Variants in SEMA6C observed in about 807,000 individuals in gnomAD.
SEMA6C encodes the protein semaphorin-6C.
SEMA6C carries 37 observed loss-of-function variants against 72.9 expected under a neutral mutation model. The ratio of observed to expected loss-of-function variants is 0.51; its 90% CI spans 0.39 to 0.67. The LOEUF is 0.67. Among genes scored for constraint, SEMA6C ranks in the 30% least tolerant of loss-of-function variants. SEMA6C has a pLI of 0.00. For missense variants in SEMA6C, 1,189 were observed against 1,263.6 expected (o/e 0.94, Z 0.89); for synonymous variants, 578 against 554.1 (o/e 1.04, Z -0.61).
At position 151,132,919 on chromosome 1, in the gene SEMA6C, G is replaced by A; in HGVS notation, c.2358C>T (p.Pro786=). The change falls in exon 19 of 19, where the codon CCC becomes CCT. Residue 786 remains proline, a synonymous_variant. Coordinates refer to ENST00000368914, the MANE Select transcript of SEMA6C (RefSeq NM_030913.6). ...GCGCCCGCGAGGTTAAAGGGGCGGG[G>A]GGCTCGGCCCCCTTTCTGGGCGGCT... is the stretch of plus-strand genomic sequence containing the variant. ...GPQPPRKGAE[P]PAPLTSRALP... 1 of 1,385,620 alleles carries A rather than the reference G, an allele frequency of 7.2e-7. No homozygotes were observed. Among genetic ancestry groups the A allele is most frequent in the Non-Finnish European group, 9.3e-7 (1 of 1,069,748 alleles). The allele number at this position is 1,385,620 out of a possible 1,614,324, so 85.8% of individuals were successfully genotyped here.
At position 151,136,581 on chromosome 1, in the gene SEMA6C, T is replaced by C; in HGVS notation, c.975-2A>G. The C allele has an allele frequency of 6.2e-7, 1 of 1,613,860 alleles. No individual in the cohort carries two copies. Among genetic ancestry groups the C allele is most frequent in the Non-Finnish European group, 8.5e-7 (1 of 1,179,914 alleles). On this transcript the variant is annotated splice_acceptor_variant, in intron 11 of 18. Transcript: ENST00000368914. LOFTEE classifies it high-confidence loss of function. ...GCGCAGACGGCAGAGCCAGGGATGCTGGAGGAGCCAGAAAAGATGCAGGAT... is the reference window on the plus strand; with the variant it reads ...GCGCAGACGGCAGAGCCAGGGATGCCGGAGGAGCCAGAAAAGATGCAGGAT...
Position 151,138,022 on chromosome 1 carries a change from G to C in SEMA6C, c.631C>G (p.Leu211Val), listed in dbSNP as rs144876600. The C allele has an allele frequency of 1.6e-5, 26 of 1,614,192 alleles. 3 individuals carry two copies. The Admixed American group carries it at 4.2e-4, about 26-fold the overall frequency. The change falls in exon 9 of 19, where the codon CTC becomes GTC. Residue 211 changes from leucine to valine, a missense_variant. Coordinates refer to ENST00000368914, the MANE Select transcript of SEMA6C (RefSeq NM_030913.6). ...VYRSLGPQPP[L>V]RSAKYDSKWL... Reference sequence around the variant, plus strand: ...TTGGAGTCATACTTGGCGGAGCGGAGTGGGGGCTGGGGCCCAAGGCTTCTG... The same window carrying C: ...TTGGAGTCATACTTGGCGGAGCGGACTGGGGGCTGGGGCCCAAGGCTTCTG...
Position 151,137,079 on chromosome 1 carries a change from G to T in SEMA6C, c.757-5C>A. On this transcript the variant is annotated splice_region_variant and splice_polypyrimidine_tract_variant and intron_variant, in intron 10 of 18. Transcript: ENST00000368914. ...GGCTACGCGGGAGAACTGCACCTAGGGGAGGAGAGTGGAGTAGACAATGGT... is the reference window on the plus strand; with the variant it reads ...GGCTACGCGGGAGAACTGCACCTAGTGGAGGAGAGTGGAGTAGACAATGGT... The T allele has an allele frequency of 6.2e-7, 1 of 1,612,494 alleles. No homozygotes were observed. The highest frequency in any genetic ancestry group is 1.1e-5 in the South Asian group (1 of 90,982).
At position 151,134,105 on chromosome 1, in the gene SEMA6C, CT is replaced by C. The variant is rs766695427; in HGVS notation, c.1759+295del. ...CCAGTGAGGCTCTTGATCTCTACCC[CT>C]GACACCCTTCCAGGGGTCCTTCCTC... On this transcript the variant is annotated intron_variant, in intron 18 of 18. Transcript: ENST00000368914. 33 of 1,325,960 alleles carry C rather than the reference CT, an allele frequency of 2.5e-5. No homozygotes were observed. In the South Asian group the frequency reaches 4.9e-4, roughly 19 times the overall value. 82.1% of individuals were successfully genotyped at this position (1,325,960 alleles called of 1,614,324 possible).
At chr1:151,141,954 T>TA (rs1027375643) in intron 3 of SEMA6C, among the ~76,000 whole-genome samples, 7 of 152,016 alleles carry the variant, frequency 4.6e-5, no homozygotes, top group Non-Finnish European at 7.4e-5. Context: ...AAAGAAAGGT[T>TA]AAGTAACTTA....
chr1:151,133,508 C>T lies in SEMA6C; in HGVS notation c.1769G>A (p.Arg590Gln), dbSNP rs767624194. 7.9e-6 allele frequency: 12 copies of T among 1,514,820 alleles called. No homozygotes were observed. The highest frequency in any genetic ancestry group is 2.3e-4 in the Middle Eastern group (1 of 4,402). The allele number at this position is 1,514,820 out of a possible 1,614,324, so 93.8% of individuals were successfully genotyped here. A position where few individuals can be genotyped will look rare whatever the true frequency, so the allele number is the denominator to read the frequency against. Residue 590 changes from arginine to glutamine, a missense_variant, in exon 19 of 19, where the codon CGG (arginine) becomes CAG (glutamine). This residue lies in a region of SEMA6C where 721 missense variants were observed against 686.2 expected (regional missense o/e 1.05). Coordinates refer to ENST00000368914, the MANE Select transcript of SEMA6C (RefSeq NM_030913.6). This position sits in a 1 kb window ranked among gnomAD's most constrained non-coding sequence, Gnocchi z 5.9. ...GGAGGCCGAGGCTGGGGGCAGGTCC[C>T]GGCGCACGCCTGCCGACCGAGAGGG... ...GPGDSAYGVR[R>Q]DLPPASASRS... is the part of the protein sequence containing the mutation.
rs587670724 is a variant in SEMA6C, at chr1:151,133,001, C to A, written c.2276G>T (p.Gly759Val). ...LVRPPPPGCP[G>V]QAVEVTTLEE... ...CAGGGTGGTGACTTCCACGGCCTGC[C>A]CGGGACAGCCGGGCGGCGGTGGCCT... is the stretch of plus-strand genomic sequence containing the variant. The change falls in exon 19 of 19, where the codon GGG becomes GTG. Residue 759 changes from glycine (G) to valine (V), a missense_variant. Gly to Val is a moderately radical substitution (Grantham distance 109). Coordinates refer to ENST00000368914, the MANE Select transcript of SEMA6C (RefSeq NM_030913.6). The surrounding 1 kb of genome is among the most constrained non-coding windows in gnomAD (Gnocchi z 5.9). 131 of 1,408,220 alleles carry A rather than the reference C, an allele frequency of 9.3e-5. No homozygotes were observed. In the South Asian group the frequency reaches 1.6e-3, roughly 17 times the overall value. The allele number at this position is 1,408,220 out of a possible 1,614,324, so 87.2% of individuals were successfully genotyped here.
At position 151,132,641 on chromosome 1, in the gene SEMA6C, G is replaced by A. The variant is rs760646602; in HGVS notation, c.2636C>T (p.Pro879Leu). 13 of 1,550,404 alleles carry A rather than the reference G, an allele frequency of 8.4e-6. No individual in the cohort carries two copies. The South Asian group carries it at 1.5e-4, about 18-fold the overall frequency. The change falls in exon 19 of 19, where the codon CCC (proline) becomes CTC (leucine). Residue 879 changes from proline to leucine, a missense_variant. By Grantham distance (98) the Pro-to-Leu change is moderately conservative (BLOSUM62 -3). Around this residue, in one of 2 missense-constraint regions of SEMA6C, gnomAD observed 721 missense variants for 686.2 expected, o/e 1.05. Coordinates refer to ENST00000368914, the MANE Select transcript of SEMA6C (RefSeq NM_030913.6). Reference sequence around the variant, plus strand: ...GCCCAGGTACAGGAGGTGCTTCCCGGGACCCCCGGAGTACCTGGAGGGACC... The same window carrying A: ...GCCCAGGTACAGGAGGTGCTTCCCGAGACCCCCGGAGTACCTGGAGGGACC... Reference protein sequence around the residue: ...SGGPSRYSGGPGKHLLYLGRP... With the variant: ...SGGPSRYSGGLGKHLLYLGRP...
chr1:151,136,994 G>A lies in SEMA6C; in HGVS notation c.837C>T (p.Ser279=), dbSNP rs764128570. Residue 279 remains serine, a synonymous_variant, in exon 11 of 19, where the codon TCC becomes TCT. Coordinates refer to ENST00000368914, the MANE Select transcript of SEMA6C (RefSeq NM_030913.6). ...AGCAGTTGAGCCGAAGCTTCAGGAA[G>A]GATGTCCAGTGGCGGTCCAAGGCCC... ...SPRALDRHWT[S]FLKLRLNCSV... The A allele has an allele frequency of 1.2e-6, 2 of 1,614,214 alleles. No individual in the cohort carries two copies. Among genetic ancestry groups the A allele is most frequent in the Non-Finnish European group, 1.7e-6 (2 of 1,180,040 alleles).
At chr1:151,138,540 A>C in intron 7 of SEMA6C, 90 bp downstream of exon 7, 1 of 1,459,636 alleles carries the variant, frequency 6.9e-7, no homozygotes, top group Non-Finnish European at 9.5e-7. Flanking sequence ...CCATTCCCCA[A>C]CCGCAGTCCT....
Position 151,133,376 on chromosome 1 carries a change from C to T in SEMA6C, c.1901G>A (p.Arg634Gln), listed in dbSNP as rs746624296. 7 of 1,599,886 alleles carry T rather than the reference C, an allele frequency of 4.4e-6. No homozygotes were observed. Among genetic ancestry groups the T allele is most frequent in the Non-Finnish European group, 5.1e-6 (6 of 1,175,756 alleles). Reference protein sequence around the residue: ...LVSCACRRAHRRRGKDIETPG... With the variant: ...LVSCACRRAHQRRGKDIETPG... Reference sequence around the variant, plus strand: ...AGTCTCGATGTCCTTGCCCCGACGTCGGTGGGCGCGGCGACAAGCACAGGA... The same window carrying T: ...AGTCTCGATGTCCTTGCCCCGACGTTGGTGGGCGCGGCGACAAGCACAGGA... Residue 634 changes from arginine to glutamine, a missense_variant, in exon 19 of 19, where the codon CGA (arginine) becomes CAA (glutamine). By Grantham distance (43) the Arg-to-Gln change is conservative (BLOSUM62 1). This residue lies in a region of SEMA6C where 721 missense variants were observed against 686.2 expected (regional missense o/e 1.05). Transcript: ENST00000368914. The surrounding 1 kb of genome is among the most constrained non-coding windows in gnomAD (Gnocchi z 5.9).
chr1:151,140,091 C>T lies in SEMA6C; in HGVS notation c.119-1G>A. 1 of 1,612,260 alleles carries T rather than the reference C, an allele frequency of 6.2e-7. No homozygotes were observed. The highest frequency in any genetic ancestry group is 8.5e-7 in the Non-Finnish European group (1 of 1,178,718). ...CGAAACCAGGATAATGGGGAAGTAC[C>T]TTGAGGACACAGAGAGATAGGATTC... On this transcript the variant is annotated splice_acceptor_variant, in intron 3 of 18. Coordinates refer to ENST00000368914, the MANE Select transcript of SEMA6C (RefSeq NM_030913.6). LOFTEE classifies it high-confidence loss of function.
At chr1:151,141,027 G>A (rs1682502203) in intron 3 of SEMA6C, among the ~76,000 whole-genome samples, 1 of 151,920 alleles carries the variant, frequency 6.6e-6, no homozygotes, top group African/African-American at 2.4e-5. Context: ...AATGTGCTTG[G>A]AGCTGCTTCT....
Position 151,133,988 on chromosome 1 carries a change from CT to C in SEMA6C, c.1759+412del. The stretch of plus-strand genomic sequence containing the variant: ...GAGTGTGAACTCCAAGAGTGGAAGA[CT>C]GGGGCCGGGGGTGGGCATCACTGGG... On this transcript the variant is annotated intron_variant, in intron 18 of 18. Coordinates refer to ENST00000368914, the MANE Select transcript of SEMA6C (RefSeq NM_030913.6). This position sits in a 1 kb window ranked among gnomAD's most constrained non-coding sequence, Gnocchi z 5.9. 6.5e-7 allele frequency: 1 copy of C among 1,546,102 alleles called. No individual in the cohort carries two copies. The highest frequency in any genetic ancestry group is 8.7e-7 in the Non-Finnish European group (1 of 1,145,026).
chr1:151,133,722 G>A lies in SEMA6C; in HGVS notation c.1760-205C>T, dbSNP rs1038839168. 2.0e-5 allele frequency among the ~76,000 whole-genome samples: 3 copies of A among 152,168 alleles called. No individual in the cohort carries two copies. Among genetic ancestry groups the A allele is most frequent in the South Asian group, 2.1e-4 (1 of 4,832 alleles). ...CCCACGCACTACCCCTCACACTCAGGCCAGAGCTTGGGCCTGGGGATTCCC... is the reference window on the plus strand; with the variant it reads ...CCCACGCACTACCCCTCACACTCAGACCAGAGCTTGGGCCTGGGGATTCCC... On this transcript the variant is annotated intron_variant, in intron 18 of 18. Transcript: ENST00000368914. This position sits in a 1 kb window ranked among gnomAD's most constrained non-coding sequence, Gnocchi z 5.9.
intron 3 of SEMA6C, among the ~76,000 whole-genome samples, chr1:151,140,717 G>C (rs1449355523): frequency 6.6e-6 from 1 of 152,246 alleles, no homozygotes; most frequent in Admixed American, 6.5e-5. Flanking sequence ...GTGCTCAGCT[G>C]GGAGCGGTGG....
At chr1:151,134,543 C>T in intron 17 of SEMA6C, 77 bp downstream of exon 17, 2 of 1,607,950 alleles carry the variant, frequency 1.2e-6, no homozygotes, top group Non-Finnish European at 1.7e-6. Context: ...GACAAAAGGC[C>T]AAGCCTGGGA....
intron 10 of SEMA6C, 93 bp from the exon 11 acceptor site, chr1:151,137,167 T>G: frequency 9.2e-7 from 1 of 1,083,682 alleles, no homozygotes; most frequent in African/African-American, 1.5e-5. Flanking sequence ...AGTAAGGGGC[T>G]GGGCGCGGTG....
intron 10 of SEMA6C, among the ~76,000 whole-genome samples, chr1:151,137,445 C>CAAAAAAAAAAA (rs5777762): frequency 9.5e-6 from 1 of 105,338 alleles, no homozygotes. Context: ...GACTCCGTCT[C>CAAAAAAAAAAA]AAAAAAAAAA....
Sources: gnomAD v4.1 joint callset for allele counts (sites outside exome capture counted in the v4.1 genomes callset) on GRCh38, gnomAD v4.1.1 for gene constraint, gnomAD v4.1.1 regional missense constraint, Gnocchi (gnomAD v3.1) non-coding constraint, MANE v1.5 for transcripts, NCBI Gene and HGNC (gene_info 2026-07-23, HGNC 2026-07-21) for gene names.